ST8SIA6: variants seen among roughly 807,000 people sequenced by gnomAD.
ST8SIA6 encodes the protein alpha-2,8-sialyltransferase 8F.
ST8SIA6 carries 39 observed loss-of-function variants against 33.6 expected under a neutral mutation model. The ratio of observed to expected loss-of-function variants is 1.16; its 90% CI spans 0.90 to 1.52. The LOEUF is 1.52. ST8SIA6 is among the 40% of genes most tolerant of loss of function. The probability of loss-of-function intolerance (pLI) is 0.00; values close to 1 mark genes in which losing one functional copy is unlikely to be tolerated. For synonymous variants in ST8SIA6, 172 were observed against 167.2 expected (o/e 1.03, Z -0.22); for missense variants, 441 against 443.8 (o/e 0.99, Z 0.06).
In ST8SIA6 at chr10:17,399,883, A is replaced by T. The variant is rs866977885; in HGVS notation, c.201-9263T>A. ...CAGTACGCTTTGATTGCACCACTGC[A>T]CTCCAGCCTGGATGACTGAGGGAGA... is the stretch of plus-strand genomic sequence containing the variant. On this transcript the variant is annotated intron_variant, in intron 2 of 7. Transcript: ENST00000377602. Among the ~76,000 whole-genome samples the T allele has an allele frequency of 3.3e-5, 5 of 150,022 alleles. No homozygotes were observed. The South Asian group carries it at 1.1e-3, about 32-fold the overall frequency.
chr10:17,334,567 A>AT (rs1164606295), intron 4 of ST8SIA6, among the ~76,000 whole-genome samples: 1,804 of 143,396 alleles, frequency 0.013, 25 homozygotes, highest in Non-Finnish European at 0.016. Flanking sequence ...TATTATTATT[A>AT]TAATAATAAA....
chr10:17,325,074 A>T (rs932542111), intron 6 of ST8SIA6, among the ~76,000 whole-genome samples: 4 of 141,758 alleles, frequency 2.8e-5, no homozygotes, highest in Non-Finnish European at 6.0e-5. Context: ...ATACATATAT[A>T]ATTACATATA....
intron 3 of ST8SIA6, among the ~76,000 whole-genome samples, chr10:17,374,294 T>C (rs533274523): frequency 6.6e-6 from 1 of 151,702 alleles, no homozygotes; most frequent in Non-Finnish European, 1.5e-5. Flanking sequence ...TTTCAAACTC[T>C]TAGACTGTAG....
At chr10:17,402,200 A>G (rs1374064172) in intron 2 of ST8SIA6, among the ~76,000 whole-genome samples, 1 of 151,832 alleles carries the variant, frequency 6.6e-6, no homozygotes. Flanking sequence ...ACTGGCCATC[A>G]GAGAAATGCA....
chr10:17,396,837 C>T (rs1047478398), intron 2 of ST8SIA6, among the ~76,000 whole-genome samples: 2 of 152,166 alleles, frequency 1.3e-5, no homozygotes, highest in Non-Finnish European at 2.9e-5. Context: ...TCCACTAAAC[C>T]ATTCTTGGAA....
intron 3 of ST8SIA6, among the ~76,000 whole-genome samples, chr10:17,365,783 C>G (rs1422511628): frequency 6.6e-6 from 1 of 152,148 alleles, no homozygotes; most frequent in Non-Finnish European, 1.5e-5. Context: ...CTTGGAGATA[C>G]TGATTTACTA....
chr10:17,415,521 CT>C (rs1302290308), intron 2 of ST8SIA6, among the ~76,000 whole-genome samples: 1 of 152,064 alleles, frequency 6.6e-6, no homozygotes, highest in Admixed American at 6.6e-5. Context: ...TCATTTACTC[CT>C]CCTCTAAATT....
intron 2 of ST8SIA6, among the ~76,000 whole-genome samples, chr10:17,432,979 T>C (rs1275362625): frequency 6.6e-6 from 1 of 152,196 alleles, no homozygotes; most frequent in Non-Finnish European, 1.5e-5. Context: ...TATTTATTTG[T>C]CTATAAATTC....
At chr10:17,442,186 T>G (rs1376250536) in intron 2 of ST8SIA6, among the ~76,000 whole-genome samples, 4 of 152,202 alleles carry the variant, frequency 2.6e-5, no homozygotes, top group African/African-American at 9.6e-5. Context: ...TTTTAAAATG[T>G]TATATGTGTC....
intron 3 of ST8SIA6, among the ~76,000 whole-genome samples, chr10:17,368,232 C>CA (rs61426907): frequency 0.059 from 4,351 of 74,042 alleles, 234 homozygotes; most frequent in Non-Finnish European, 0.074. Context: ...CCTGTCTCTA[C>CA]AAAAAAAAAA....
At chr10:17,379,725 T>A (rs11816180) in intron 3 of ST8SIA6, among the ~76,000 whole-genome samples, 5,802 of 152,262 alleles carry the variant, frequency 0.038, 135 homozygotes, top group African/African-American at 0.062. Context: ...GATTGATGTC[T>A]CATGTCTCCC....
intron 4 of ST8SIA6, among the ~76,000 whole-genome samples, chr10:17,334,891 A>G (rs980208905): frequency 6.6e-5 from 10 of 152,200 alleles, no homozygotes; most frequent in African/African-American, 2.4e-4. Flanking sequence ...TCATTTCTTT[A>G]ATTCTCCAAT....
intron 2 of ST8SIA6, among the ~76,000 whole-genome samples, chr10:17,405,968 CTT>C (rs1851243464): frequency 6.6e-6 from 1 of 151,930 alleles, no homozygotes; most frequent in African/African-American, 2.4e-5. Flanking sequence ...ATAATCCTCT[CTT>C]TGATGAATTT....
At chr10:17,343,247 A>G (rs1564411060) in intron 4 of ST8SIA6, among the ~76,000 whole-genome samples, 2 of 152,316 alleles carry the variant, frequency 1.3e-5, no homozygotes, top group Middle Eastern at 3.4e-3. Context: ...GTTGTTAACT[A>G]TGGTCCAGGA....
rs560899094 is a variant in ST8SIA6, at chr10:17,454,030, G to A, written c.101+125C>T. 7.9e-6 allele frequency: 2 copies of A among 251,710 alleles called. No homozygotes were observed. Among genetic ancestry groups the A allele is most frequent in the African/African-American group, 2.3e-5 (1 of 44,194 alleles). 15.6% of individuals were successfully genotyped at this position (251,710 alleles called of 1,614,324 possible). ...CTCCACTCTCAGGCCGTCGCCGCCC[G>A]TGGGCTGCTCCCCGCCGCGGCCAAA... is the stretch of plus-strand genomic sequence containing the variant. On this transcript the variant is annotated intron_variant, in intron 1 of 7. Coordinates refer to ENST00000377602, the MANE Select transcript of ST8SIA6 (RefSeq NM_001004470.3). This position sits in a 1 kb window ranked among gnomAD's most constrained non-coding sequence, Gnocchi z 4.1.
intron 2 of ST8SIA6, among the ~76,000 whole-genome samples, chr10:17,419,849 CA>C (rs1241318713): frequency 4.6e-5 from 7 of 152,216 alleles, no homozygotes; most frequent in Non-Finnish European, 8.8e-5. Flanking sequence ...GATTTGCACA[CA>C]TTTTTTTAAC....
chr10:17,351,531 C>A (rs1849029545), intron 4 of ST8SIA6, among the ~76,000 whole-genome samples: 1 of 146,104 alleles, frequency 6.8e-6, no homozygotes, highest in Non-Finnish European at 1.5e-5. Context: ...AACATGACAG[C>A]TAAAGAAAGA....
chr10:17,367,297 A>C (rs1030180797), intron 3 of ST8SIA6, among the ~76,000 whole-genome samples: 1 of 152,214 alleles, frequency 6.6e-6, no homozygotes, highest in South Asian at 2.1e-4. Flanking sequence ...TACATCTTAC[A>C]TGGTGGCAGG....
chr10:17,329,954 C>T (rs1848243917), intron 5 of ST8SIA6, among the ~76,000 whole-genome samples: 1 of 152,120 alleles, frequency 6.6e-6, no homozygotes, highest in East Asian at 1.9e-4. Flanking sequence ...TTAATGCCGT[C>T]TTCTTGTGTG....
Sources: allele counts gnomAD v4.1 joint callset (sites outside exome capture counted in the v4.1 genomes callset), GRCh38; gene constraint gnomAD v4.1.1; non-coding constraint Gnocchi (gnomAD v3.1); transcripts MANE v1.5; gene names NCBI Gene and HGNC (gene_info 2026-07-23, HGNC 2026-07-21).